The following CRACR2A variants were observed in gnomAD, a reference collection of about 807,000 sequenced individuals.
CRACR2A encodes the protein EF-hand calcium-binding domain-containing protein 4B.
In CRACR2A, 79 loss-of-function variants were observed where a neutral mutation model predicts 90.5. The ratio of observed to expected loss-of-function variants is 0.87; its 90% CI spans 0.73 to 1.05. The LOEUF (loss-of-function observed/expected upper bound fraction) is 1.05. CRACR2A is among the 50% of genes least tolerant of loss of function. CRACR2A has a pLI of 0.00. For synonymous variants in CRACR2A, 338 were observed against 356.7 expected (o/e 0.95, Z 0.59); for missense variants, 823 against 897.2 (o/e 0.92, Z 1.06).
intron 7 of CRACR2A, 150 bp downstream of exon 7, chr12:3,673,296 C>T (rs1210083958): frequency 1.2e-5 from 11 of 888,306 alleles, no homozygotes; most frequent in Admixed American, 2.6e-5. Flanking sequence ...ATACATATAT[C>T]GTGACAGACA....
At chr12:3,738,665 G>T (rs1946483328) in intron 1 of CRACR2A, among the ~76,000 whole-genome samples, 1 of 152,150 alleles carries the variant, frequency 6.6e-6, no homozygotes, top group South Asian at 2.1e-4. Flanking sequence ...ACATACATCT[G>T]TTTGGAGTTT....
chr12:3,633,748 A>G lies in CRACR2A; in HGVS notation c.1603-12T>C. 1 of 1,551,556 alleles carries G rather than the reference A, an allele frequency of 6.4e-7. No individual in the cohort carries two copies. Among genetic ancestry groups the G allele is most frequent in the South Asian group, 1.2e-5 (1 of 84,060 alleles). On this transcript the variant is annotated splice_polypyrimidine_tract_variant and intron_variant, in intron 14 of 19. Transcript: ENST00000440314. This position sits in a 1 kb window ranked among gnomAD's most constrained non-coding sequence, Gnocchi z 4.5. ...GGAGAGCTTTCCTCCTGTGGATGGC[A>G]CACAATCTGACCAACTGCAGGGAAT...
chr12:3,667,693 G>C (rs1038660838), intron 7 of CRACR2A, among the ~76,000 whole-genome samples: 2 of 152,202 alleles, frequency 1.3e-5, no homozygotes, highest in East Asian at 3.8e-4. Flanking sequence ...CCTTCTTCAG[G>C]CAGCTGCAGT....
At chr12:3,623,688 G>A (rs1351192763) in intron 17 of CRACR2A, among the ~76,000 whole-genome samples, 5 of 152,298 alleles carry the variant, frequency 3.3e-5, no homozygotes, top group South Asian at 2.1e-4. Context: ...GACTGCCTGC[G>A]GTGACTTCCT....
At chr12:3,747,289 A>G (rs923876263) in intron 1 of CRACR2A, among the ~76,000 whole-genome samples, 1 of 152,232 alleles carries the variant, frequency 6.6e-6, no homozygotes, top group African/African-American at 2.4e-5. Flanking sequence ...TGCCTATTTC[A>G]TAAAACGGTT....
intron 7 of CRACR2A, among the ~76,000 whole-genome samples, chr12:3,663,650 C>T (rs1280082832): frequency 6.6e-6 from 1 of 152,218 alleles, no homozygotes; most frequent in African/African-American, 2.4e-5. Context: ...AATGATCTTT[C>T]TCAAGCCACG....
At chr12:3,649,878 GA>G (rs774557079) in intron 10 of CRACR2A, among the ~76,000 whole-genome samples, 30 of 152,056 alleles carry the variant, frequency 2.0e-4, no homozygotes, top group Non-Finnish European at 3.1e-4. Flanking sequence ...GAAAAAAGAG[GA>G]AGGAAAGATG....
chr12:3,726,686 G>T (rs932619294), intron 2 of CRACR2A: 1 of 152,242 alleles, frequency 6.6e-6, no homozygotes, highest in South Asian at 2.1e-4. Context: ...TGTCTCGTGA[G>T]CTCAGTCTTA....
intron 15 of CRACR2A, among the ~76,000 whole-genome samples, chr12:3,629,441 C>T (rs921358188): frequency 1.1e-4 from 17 of 152,214 alleles, no homozygotes; most frequent in African/African-American, 3.4e-4. Context: ...GGTCTGTGCT[C>T]TGGGAGACAG....
At chr12:3,620,852 C>G (rs778160253) in intron 17 of CRACR2A, among the ~76,000 whole-genome samples, 2 of 152,226 alleles carry the variant, frequency 1.3e-5, no homozygotes, top group African/African-American at 4.8e-5. Flanking sequence ...ATTCTGGACA[C>G]TGCAGTTGAT....
intron 3 of CRACR2A, among the ~76,000 whole-genome samples, chr12:3,698,744 C>T (rs760485637): frequency 6.6e-6 from 1 of 152,188 alleles, no homozygotes; most frequent in Non-Finnish European, 1.5e-5. Flanking sequence ...TGGATGGAAG[C>T]CTGAGGGGGC....
intron 13 of CRACR2A, among the ~76,000 whole-genome samples, chr12:3,641,068 G>A (rs543235811): frequency 3.9e-5 from 6 of 152,232 alleles, no homozygotes; most frequent in African/African-American, 9.6e-5. Context: ...TGCATTGGCC[G>A]GGCACGGTGG....
At chr12:3,704,788 G>A (rs1417354716) in intron 3 of CRACR2A, among the ~76,000 whole-genome samples, 2 of 152,276 alleles carry the variant, frequency 1.3e-5, no homozygotes, top group Non-Finnish European at 2.9e-5. Context: ...TGTTTGTGGA[G>A]GGAGCTAAAT....
chr12:3,714,029 A>G (rs976791208), intron 2 of CRACR2A, among the ~76,000 whole-genome samples: 1 of 152,236 alleles, frequency 6.6e-6, no homozygotes, highest in African/African-American at 2.4e-5. Context: ...TATCTATTGT[A>G]TAATGCCAAA....
chr12:3,671,450 C>A (rs1399715430), intron 7 of CRACR2A, among the ~76,000 whole-genome samples: 2 of 152,118 alleles, frequency 1.3e-5, no homozygotes, highest in African/African-American at 4.8e-5. Flanking sequence ...GGTTGCAAAG[C>A]CACACATGAC....
At chr12:3,615,595 C>G (rs565387924) in intron 19 of CRACR2A, among the ~76,000 whole-genome samples, 156 bp from the exon 20 acceptor site, 2 of 152,304 alleles carry the variant, frequency 1.3e-5, no homozygotes, top group East Asian at 1.9e-4. Context: ...AACATCCCCC[C>G]CTGGACAGTA....
At position 3,615,390 on chromosome 12, in the gene CRACR2A, C is replaced by T. The variant is rs368941338; in HGVS notation, c.2161G>A (p.Gly721Ser). ...DTVREDTIQVGHPAKKKSCCG is the reference protein window; with the variant it reads ...DTVREDTIQVSHPAKKKSCCG ...CAGGATTTCTTCTTAGCAGGGTGGC[C>T]GACCTGAATGGTGTCCTCTCTCACT... The change falls in exon 20 of 20, where the codon GGC becomes AGC. Residue 721 changes from glycine to serine, a missense_variant. Coordinates refer to ENST00000440314, the MANE Select transcript of CRACR2A (RefSeq NM_001144958.2). The T allele has an allele frequency of 4.2e-5, 65 of 1,551,440 alleles. No homozygotes were observed. In the African/African-American group the frequency reaches 5.6e-4, roughly 13 times the overall value.
intron 5 of CRACR2A, 21 bp downstream of exon 5, chr12:3,680,217 C>T: frequency 6.2e-7 from 1 of 1,600,928 alleles, no homozygotes; most frequent in Non-Finnish European, 8.6e-7. Context: ...CCTGAGGTCC[C>T]CAGCACCCAT....
At chr12:3,723,973 C>T (rs1946222757) in intron 2 of CRACR2A, among the ~76,000 whole-genome samples, 1 of 152,134 alleles carries the variant, frequency 6.6e-6, no homozygotes, top group Admixed American at 6.5e-5. Flanking sequence ...TCCTTCGTTT[C>T]TAGGACAATG....
Sources: gnomAD v4.1 joint callset for allele counts (sites outside exome capture counted in the v4.1 genomes callset) on GRCh38, gnomAD v4.1.1 for gene constraint, Gnocchi (gnomAD v3.1) non-coding constraint, MANE v1.5 for transcripts, NCBI Gene and HGNC (gene_info 2026-07-23, HGNC 2026-07-21) for gene names.